Variants in DMD observed in about 807,000 individuals in gnomAD.
The protein encoded by DMD is dystrophin.
Under a neutral mutation model 330.1 loss-of-function variants are expected in DMD, and 63 were observed. That is an observed-to-expected ratio of 0.19 (90% CI 0.16 to 0.24). The LOEUF is 0.24. Ranked by LOEUF, DMD falls within the 10% of genes least tolerant of loss-of-function variation. DMD has a pLI of 1.00. For synonymous variants in DMD, 1,223 were observed against 959.8 expected (o/e 1.27, Z -5.07); for missense variants, 3,344 against 2,684.1 (o/e 1.25, Z -5.43).
At chrX:31,122,217 G>GTAAA (rs1388072724) in intron 78 of DMD, among the ~76,000 whole-genome samples, 1 of 112,188 alleles carries the variant, frequency 8.9e-6, no homozygotes, top group Non-Finnish European at 1.9e-5. Context: ...GGTTCCCAAT[G>GTAAA]TAAATATATA....
chrX:32,247,610 T>G (rs1400170004), intron 43 of DMD, among the ~76,000 whole-genome samples: 1 of 111,436 alleles, frequency 9.0e-6, no homozygotes, highest in Non-Finnish European at 1.9e-5. Context: ...ATTATCTGGA[T>G]AATTTCTCCT....
chrX:31,459,591 T>C (rs1449233420), intron 59 of DMD, among the ~76,000 whole-genome samples: 1 of 111,731 alleles, frequency 9.0e-6, no homozygotes, highest in Admixed American at 9.5e-5. Flanking sequence ...ACCAAACTTC[T>C]AAAAATAAGT....
At chrX:32,335,203 G>T (rs936560575) in intron 41 of DMD, among the ~76,000 whole-genome samples, 1 of 107,400 alleles carries the variant, frequency 9.3e-6, no homozygotes, top group Non-Finnish European at 1.9e-5. Flanking sequence ...TTCAATTAAG[G>T]ACTACTTTTT....
chrX:32,501,751 T>G lies in DMD; in HGVS notation c.2380+4A>C. 1 of 1,195,075 alleles carries G rather than the reference T, an allele frequency of 8.4e-7. No homozygotes were observed. Among genetic ancestry groups the G allele is most frequent in the Non-Finnish European group, 1.1e-6 (1 of 881,082 alleles). On this transcript the variant is annotated splice_donor_region_variant and intron_variant, in intron 19 of 78. Transcript: ENST00000357033. ...AGATTATCTAAATCAACTCGTGTAATTACCATTCACCATCTGTTCCACCAG... is the reference window on the plus strand; with the variant it reads ...AGATTATCTAAATCAACTCGTGTAAGTACCATTCACCATCTGTTCCACCAG...
intron 9 of DMD, among the ~76,000 whole-genome samples, chrX:32,661,668 C>A (rs924623611): frequency 9.0e-6 from 1 of 111,335 alleles, no homozygotes; most frequent in African/African-American, 3.3e-5. Flanking sequence ...GGATAGATTT[C>A]TTTGATTCAT....
At chrX:32,912,679 C>T (rs1463250823) in intron 2 of DMD, among the ~76,000 whole-genome samples, 1 of 111,574 alleles carries the variant, frequency 9.0e-6, no homozygotes, top group African/African-American at 3.3e-5. Flanking sequence ...ATGATTCCAA[C>T]TATACGAAGT....
intron 7 of DMD, among the ~76,000 whole-genome samples, chrX:32,733,902 A>G (rs1187387989): frequency 6.7e-5 from 7 of 104,850 alleles, no homozygotes; most frequent in Non-Finnish European, 1.2e-4. Flanking sequence ...AAGACAAGAA[A>G]TAACTAAAAT....
intron 5 of DMD, 109 bp downstream of exon 5, chrX:32,823,186 G>T: frequency 1.6e-6 from 1 of 621,912 alleles, no homozygotes; most frequent in Non-Finnish European, 2.7e-6. Flanking sequence ...GCACTATGGA[G>T]CAGGGTTTGT....
At chrX:32,883,463 T>C (rs2084159901) in intron 2 of DMD, among the ~76,000 whole-genome samples, 2 of 111,164 alleles carry the variant, frequency 1.8e-5, no homozygotes, top group Admixed American at 1.9e-4. Context: ...GGAATTTTCC[T>C]TTTAAAAAAT....
chrX:32,362,347 C>T (rs780220960), intron 37 of DMD, among the ~76,000 whole-genome samples: 1 of 111,852 alleles, frequency 8.9e-6, no homozygotes, highest in South Asian at 3.7e-4. Context: ...GATATTTGAT[C>T]CACATTACAT....
intron 30 of DMD, among the ~76,000 whole-genome samples, chrX:32,405,616 G>T (rs919813299): frequency 2.7e-5 from 3 of 111,181 alleles, no homozygotes; most frequent in African/African-American, 9.8e-5. Flanking sequence ...TTTAATTTAA[G>T]ACTGTGGTAC....
At chrX:32,699,037 A>C in intron 8 of DMD, 75 bp downstream of exon 8, 1 of 846,223 alleles carries the variant, frequency 1.2e-6, no homozygotes, top group Non-Finnish European at 1.8e-6. Flanking sequence ...TTATATATAT[A>C]TGTGCACGTA....
At chrX:33,256,393 T>C (rs1389911989) in intron 1 of DMD, among the ~76,000 whole-genome samples, 2 of 110,774 alleles carry the variant, frequency 1.8e-5, no homozygotes, top group Non-Finnish European at 3.8e-5. Context: ...TTTAGTTTGA[T>C]GGTAACACCA....
intron 1 of DMD, among the ~76,000 whole-genome samples, chrX:33,192,309 A>G (rs912061418): frequency 8.9e-6 from 1 of 111,872 alleles, no homozygotes; most frequent in Non-Finnish European, 1.9e-5. Context: ...TCAAATTAAC[A>G]TTAAAAGACA....
intron 44 of DMD, among the ~76,000 whole-genome samples, chrX:32,130,445 C>T (rs2096686336): frequency 9.0e-6 from 1 of 111,247 alleles, no homozygotes; most frequent in African/African-American, 3.3e-5. Flanking sequence ...ATGCACACTC[C>T]ATCCAAGAAC....
At chrX:32,458,657 G>A (rs2098371027) in intron 25 of DMD, among the ~76,000 whole-genome samples, 1 of 111,128 alleles carries the variant, frequency 9.0e-6, no homozygotes, top group African/African-American at 3.3e-5. Context: ...CCAACACTTA[G>A]TATCTTTTGC....
At chrX:32,700,055 A>G (rs934319043) in intron 7 of DMD, among the ~76,000 whole-genome samples, 3 of 111,440 alleles carry the variant, frequency 2.7e-5, no homozygotes, top group Admixed American at 9.6e-5. Flanking sequence ...TAACACATAT[A>G]AAGTGGCAGC....
intron 44 of DMD, among the ~76,000 whole-genome samples, chrX:32,076,563 T>C: frequency 9.1e-6 from 1 of 109,456 alleles, no homozygotes; most frequent in East Asian, 2.9e-4. Flanking sequence ...ATATTTTTAG[T>C]AGAGATGGGG....
At chrX:31,595,759 C>T (rs1243886237) in intron 55 of DMD, among the ~76,000 whole-genome samples, 6 of 106,046 alleles carry the variant, frequency 5.7e-5, no homozygotes, top group Non-Finnish European at 9.7e-5. Flanking sequence ...TTGAAGATTG[C>T]AACTCATCTA....
Sources: allele counts gnomAD v4.1 joint callset (sites outside exome capture counted in the v4.1 genomes callset), GRCh38; gene constraint gnomAD v4.1.1; transcripts MANE v1.5; gene names NCBI Gene and HGNC (gene_info 2026-07-23, HGNC 2026-07-21).